Variants in ATAD5 observed in about 807,000 individuals in gnomAD.
ATAD5 encodes ATPase family AAA domain containing 5.
A neutral mutation model predicts 176.9 loss-of-function variants in ATAD5; 58 were observed. The observed-to-expected ratio is 0.33, with a 90% CI of 0.27 to 0.41. The LOEUF (loss-of-function observed/expected upper bound fraction) is 0.41. ATAD5 is among the 10% of genes least tolerant of loss of function. The pLI is 1.00. For missense variants in ATAD5, 1,789 were observed against 2,094.1 expected (o/e 0.85, Z 2.84); for synonymous variants, 640 against 712.6 (o/e 0.90, Z 1.62).
chr17:30,857,076 G>A lies in ATAD5; in HGVS notation c.2757G>A (p.Leu919=), dbSNP rs1434374911. 6.2e-7 allele frequency: 1 copy of A among 1,611,544 alleles called. No homozygotes were observed. The highest frequency in any genetic ancestry group is 2.2e-5 in the East Asian group (1 of 44,758). ...CGIALGEFST[L]NSKLKSGNSA... is the part of the protein sequence containing the mutation. ...TTGCTCTTGGTGAATTTTCAACATT[G>A]AATTCAAAGTTGAAAAGCGGTAACT... Residue 919 remains leucine, a synonymous_variant, in exon 8 of 23, where the codon TTG becomes TTA. Transcript: ENST00000321990.
intron 19 of ATAD5, among the ~76,000 whole-genome samples, chr17:30,889,886 C>CTTTTTTTTTTTTTTTTTTTTTTTTTTTTT (rs60266614): frequency 2.1e-5 from 2 of 95,720 alleles, no homozygotes; most frequent in African/African-American, 4.3e-5. Context: ...TCTTTTCTTT[C>CTTTTTTTTTTTTTTTTTTTTTTTTTTTTT]TTTTTTTTTT....
intron 16 of ATAD5, 90 bp from the exon 17 acceptor site, chr17:30,877,911 ATT>A (rs1289489520): frequency 1.0e-5 from 9 of 893,240 alleles, no homozygotes; most frequent in East Asian, 2.8e-5. Flanking sequence ...AAATTCATAA[ATT>A]TTGTCTCTAA....
chr17:30,875,534 C>T lies in ATAD5; in HGVS notation c.3608-840C>T, dbSNP rs531824900. ...ATTTCTGGCTGGGTACAGGGGCCCA[C>T]GCTTGTAATCCTAGCACTTTAGGAG... On this transcript the variant is annotated intron_variant, in intron 14 of 22. Coordinates refer to ENST00000321990, the MANE Select transcript of ATAD5 (RefSeq NM_024857.5). Among the ~76,000 whole-genome samples, 9 of 152,138 alleles carry T rather than the reference C, an allele frequency of 5.9e-5. No homozygotes were observed. In the South Asian group the frequency reaches 8.4e-4, roughly 14 times the overall value.
intron 18 of ATAD5, among the ~76,000 whole-genome samples, chr17:30,882,791 T>C (rs531871545): frequency 6.6e-6 from 1 of 152,298 alleles, no homozygotes; most frequent in South Asian, 2.1e-4. Context: ...TCACATTTTG[T>C]ATGATAATAA....
At chr17:30,869,985 A>G (rs1908247013) in intron 14 of ATAD5, 1 of 207,508 alleles carries the variant, frequency 4.8e-6, no homozygotes, top group African/African-American at 2.4e-5. Context: ...GTGGTGGTGT[A>G]TGCCTGTAGT....
Position 30,887,285 on chromosome 17 carries a change from T to G in ATAD5, c.4171T>G (p.Cys1391Gly). ...TGTAACCTTGTTAACTGCAAATACT[T>G]GTGATATCAGAAAAAGTATCCTTTA... ...DFVTLLTANT[C>G]DIRKSILYLQ... is the part of the protein sequence containing the mutation. Residue 1391 changes from cysteine (C) to glycine (G), a missense_variant, in exon 19 of 23, where the codon TGT becomes GGT. By Grantham distance (159) the Cys-to-Gly change is radical. This residue lies in a region of ATAD5 where 194 missense variants were observed against 270.1 expected (regional missense o/e 0.72). Transcript: ENST00000321990. The G allele has an allele frequency of 6.2e-7, 1 of 1,606,798 alleles. No homozygotes were observed. Among genetic ancestry groups the G allele is most frequent in the South Asian group, 1.1e-5 (1 of 89,466 alleles).
intron 19 of ATAD5, among the ~76,000 whole-genome samples, chr17:30,890,753 T>A (rs1024880801): frequency 6.6e-6 from 1 of 152,028 alleles, no homozygotes; most frequent in Non-Finnish European, 1.5e-5. Flanking sequence ...AATCTTTTTT[T>A]ATATACATTT....
In ATAD5 at chr17:30,855,181, A is replaced by G. The variant is rs977424434; in HGVS notation, c.2489A>G (p.Gln830Arg). ...TSEKSQDCDVQCKAKRDFLMS... is the reference protein window; with the variant it reads ...TSEKSQDCDVRCKAKRDFLMS... ...GAAAAATCTCAGGATTGTGATGTTC[A>G]ATGTAAAGCAAAGCGTGACTTCCTA... Residue 830 changes from glutamine to arginine, a missense_variant, in exon 7 of 23, where the codon CAA becomes CGA. This residue lies in a region of ATAD5 where 487 missense variants were observed against 573.6 expected (regional missense o/e 0.85). Coordinates refer to ENST00000321990, the MANE Select transcript of ATAD5 (RefSeq NM_024857.5). 6.2e-7 allele frequency: 1 copy of G among 1,610,954 alleles called. No individual in the cohort carries two copies. The highest frequency in any genetic ancestry group is 8.5e-7 in the Non-Finnish European group (1 of 1,179,204).
chr17:30,883,839 G>A (rs957845653), intron 18 of ATAD5, among the ~76,000 whole-genome samples: 5 of 151,988 alleles, frequency 3.3e-5, no homozygotes, highest in East Asian at 3.9e-4. Flanking sequence ...GTGAGCCCCC[G>A]CATCTGGCCC....
Position 30,860,548 on chromosome 17 carries a change from T to G in ATAD5, c.3072T>G (p.Asn1024Lys), listed in dbSNP as rs984041189. ...ATTCAAAAAATCTGGAGAAGACCAA[T>G]AGGAAGTCAGAAGAACTTAGCAAAA... is the stretch of plus-strand genomic sequence containing the variant. ...NEYSKNLEKT[N>K]RKSEELSKRN... The change falls in exon 10 of 23, where the codon AAT (asparagine) becomes AAG (lysine). Residue 1024 changes from asparagine (N) to lysine (K), a missense_variant. Transcript: ENST00000321990. 6.3e-7 allele frequency: 1 copy of G among 1,596,404 alleles called. No homozygotes were observed. Among genetic ancestry groups the G allele is most frequent in the African/African-American group, 1.4e-5 (1 of 73,306 alleles).
chr17:30,835,258 C>G lies in ATAD5; in HGVS notation c.1177C>G (p.Pro393Ala). ...AGCTGGAAGTTCTGAAGCTGTGAAACCAAAATGCACTCTAGAAGAAAGACA... is the reference window on the plus strand; with the variant it reads ...AGCTGGAAGTTCTGAAGCTGTGAAAGCAAAATGCACTCTAGAAGAAAGACA... ...LEAGSSEAVKPKCTLEERQQF... is the reference protein window; with the variant it reads ...LEAGSSEAVKAKCTLEERQQF... The change falls in exon 2 of 23, where the codon CCA becomes GCA. Residue 393 changes from proline to alanine, a missense_variant. This residue lies in a region of ATAD5 where 696 missense variants were observed against 712.5 expected (regional missense o/e 0.98). Transcript: ENST00000321990. 1 of 1,613,998 alleles carries G rather than the reference C, an allele frequency of 6.2e-7. No individual in the cohort carries two copies. Among genetic ancestry groups the G allele is most frequent in the Admixed American group, 1.7e-5 (1 of 59,986 alleles).
chr17:30,892,732 T>G lies in ATAD5; in HGVS notation c.4384T>G (p.Leu1462Val). 1 of 1,584,524 alleles carries G rather than the reference T, an allele frequency of 6.3e-7. No homozygotes were observed. The highest frequency in any genetic ancestry group is 8.6e-7 in the Non-Finnish European group (1 of 1,167,232). ...PKCDSGCAETLFGLKNIFSPS... is the reference protein window; with the variant it reads ...PKCDSGCAETVFGLKNIFSPS... ...ATGTGACAGTGGCTGTGCTGAGACC[T>G]TGTTTGGCCTTAAGAACATTTTTTC... Residue 1462 changes from leucine (L) to valine (V), a missense_variant, in exon 20 of 23, where the codon TTG becomes GTG. Physicochemically the swap from Leu to Val is conservative, Grantham distance 32. Transcript: ENST00000321990.
chr17:30,835,774 A>G lies in ATAD5; in HGVS notation c.1693A>G (p.Thr565Ala). The change falls in exon 2 of 23, where the codon ACC becomes GCC. Residue 565 changes from threonine to alanine, a missense_variant. Coordinates refer to ENST00000321990, the MANE Select transcript of ATAD5 (RefSeq NM_024857.5). ...LCNNNKLSRK[T>A]SIPVKDIKLT... is the part of the protein sequence containing the mutation. ...TAACAATAATAAATTGTCAAGAAAA[A>G]CCAGCATACCAGTTAAAGATATTAA... 6.2e-7 allele frequency: 1 copy of G among 1,613,548 alleles called. No homozygotes were observed. Among genetic ancestry groups the G allele is most frequent in the Non-Finnish European group, 8.5e-7 (1 of 1,179,888 alleles).
chr17:30,856,982 C>G lies in ATAD5; in HGVS notation c.2663C>G (p.Pro888Arg), dbSNP rs751119043. 6.3e-7 allele frequency: 1 copy of G among 1,586,494 alleles called. No individual in the cohort carries two copies. The highest frequency in any genetic ancestry group is 2.3e-5 in the East Asian group (1 of 43,722). ...TGTTGTTTGTGGCATTTGAAACCAC[C>G]CTCTTGTCCTCTCTTAACTAAATTT... ...DGCCLWHLKP[P>R]SCPLLTKFKE... Residue 888 changes from proline to arginine, a missense_variant, in exon 8 of 23, where the codon CCC (proline) becomes CGC (arginine). Pro to Arg is a moderately radical substitution (Grantham distance 103). Transcript: ENST00000321990.
chr17:30,834,964 A>G lies in ATAD5; in HGVS notation c.883A>G (p.Thr295Ala), dbSNP rs370091920. The G allele has an allele frequency of 7.4e-6, 12 of 1,614,064 alleles. No individual in the cohort carries two copies. Among genetic ancestry groups the G allele is most frequent in the Non-Finnish European group, 9.3e-6 (11 of 1,179,966 alleles). Reference protein sequence around the residue: ...STMSICVPSETVDEIVKSGYI... With the variant: ...STMSICVPSEAVDEIVKSGYI... ...AATGTCAATTTGTGTTCCTTCTGAAACTGTCGACGAAATAGTCAAAAGTGG... is the reference window on the plus strand; with the variant it reads ...AATGTCAATTTGTGTTCCTTCTGAAGCTGTCGACGAAATAGTCAAAAGTGG... Residue 295 changes from threonine (T) to alanine (A), a missense_variant, in exon 2 of 23, where the codon ACT (threonine) becomes GCT (alanine). Thr to Ala is a moderately conservative substitution (Grantham distance 58). This residue lies in a region of ATAD5 where 696 missense variants were observed against 712.5 expected (regional missense o/e 0.98). Coordinates refer to ENST00000321990, the MANE Select transcript of ATAD5 (RefSeq NM_024857.5).
In ATAD5 at chr17:30,865,707, C is replaced by A; in HGVS notation, c.3140C>A (p.Ser1047Tyr). 1.3e-6 allele frequency: 2 copies of A among 1,508,826 alleles called. No homozygotes were observed. The highest frequency in any genetic ancestry group is 2.4e-5 in the Admixed American group (1 of 42,172). 93.5% of individuals were successfully genotyped at this position (1,508,826 alleles called of 1,614,324 possible). The change falls in exon 11 of 23, where the codon TCT becomes TAT. Residue 1047 changes from serine (S) to tyrosine (Y), a missense_variant. Ser to Tyr is a moderately radical substitution (Grantham distance 144). Around this residue, in one of 6 missense-constraint regions of ATAD5, gnomAD observed 487 missense variants for 573.6 expected, o/e 0.85. Transcript: ENST00000321990. ...ATTTTTTTTTTTTTTGCTTTAGATT[C>A]TGGAACTGAAGACATGCTTTGGACA... ...SGIKLDSSKDSGTEDMLWTEK... is the reference protein window; with the variant it reads ...SGIKLDSSKDYGTEDMLWTEK...
intron 19 of ATAD5, among the ~76,000 whole-genome samples, chr17:30,888,101 G>C (rs1199859446): frequency 6.6e-6 from 1 of 151,726 alleles, no homozygotes; most frequent in Non-Finnish European, 1.5e-5. Flanking sequence ...CCAAAGTACT[G>C]GGATTAGAGG....
rs1461360769 is a variant in ATAD5, at chr17:30,877,508, C to T, written c.3877C>T (p.Pro1293Ser). ...TGTCAAAGACGTTGGAGCTGAAGAA[C>T]CCAGCAGAAAAAATGCAACATCTCT... Reference protein sequence around the residue: ...SNVKDVGAEEPSRKNATSLIL... With the variant: ...SNVKDVGAEESSRKNATSLIL... The change falls in exon 16 of 23, where the codon CCC becomes TCC. Residue 1293 changes from proline to serine, a missense_variant. Around this residue, in one of 6 missense-constraint regions of ATAD5, gnomAD observed 194 missense variants for 270.1 expected, o/e 0.72. Transcript: ENST00000321990. 2 of 1,611,178 alleles carry T rather than the reference C, an allele frequency of 1.2e-6. No individual in the cohort carries two copies. Among genetic ancestry groups the T allele is most frequent in the East Asian group, 2.2e-5 (1 of 44,798 alleles).
At chr17:30,834,019 C>A in intron 1 of ATAD5, 129 bp from the exon 2 acceptor site, 14 of 775,018 alleles carry the variant, frequency 1.8e-5, no homozygotes, top group Non-Finnish European at 2.6e-5. Flanking sequence ...TCTAATATAT[C>A]ACGTTTTTCA....
Sources: gnomAD v4.1 joint callset for allele counts (sites outside exome capture counted in the v4.1 genomes callset) on GRCh38, gnomAD v4.1.1 for gene constraint, gnomAD v4.1.1 regional missense constraint, MANE v1.5 for transcripts, NCBI Gene and HGNC (gene_info 2026-07-23, HGNC 2026-07-21) for gene names.